The following NXN variants were observed in gnomAD, a reference collection of about 807,000 sequenced individuals.
NXN encodes nucleoredoxin 1.
A neutral mutation model predicts 48.6 loss-of-function variants in NXN; 16 were observed. The ratio of observed to expected loss-of-function variants is 0.33; its 90% CI spans 0.22 to 0.50. The LOEUF (loss-of-function observed/expected upper bound fraction) is 0.50, where lower values mean the gene tolerates loss of function less well. NXN is among the 20% of genes least tolerant of loss of function. The pLI, the probability that NXN is intolerant of heterozygous loss-of-function variation, is 0.98. For missense variants in NXN, 492 were observed against 605.5 expected (o/e 0.81, Z 1.97); for synonymous variants, 281 against 269.6 (o/e 1.04, Z -0.41).
At chr17:826,313 C>G (rs1361750489) in intron 1 of NXN, among the ~76,000 whole-genome samples, 2 of 152,144 alleles carry the variant, frequency 1.3e-5, no homozygotes, top group African/African-American at 4.8e-5. Flanking sequence ...GATGGTCCCA[C>G]TGCCCCCCGG....
intron 1 of NXN, among the ~76,000 whole-genome samples, chr17:871,358 A>G (rs887311662): frequency 2.7e-5 from 4 of 150,676 alleles, no homozygotes; most frequent in Middle Eastern, 3.5e-3. Context: ...AAGTTAGTAA[A>G]TGGTCTGTTT....
intron 1 of NXN, among the ~76,000 whole-genome samples, chr17:850,977 C>T (rs563496284): frequency 1.3e-5 from 2 of 152,304 alleles, no homozygotes; most frequent in African/African-American, 4.8e-5. Flanking sequence ...CAGACCCGGA[C>T]GATGCCACTA....
Position 903,090 on chromosome 17 carries a change from G to A in NXN, c.360+76229C>T, listed in dbSNP as rs552207571. On this transcript the variant is annotated intron_variant, in intron 1 of 7. Coordinates refer to ENST00000336868, the MANE Select transcript of NXN (RefSeq NM_022463.5). ...CAGCCTCCCCTCCCATCATTTCATC[G>A]ACCACCCTGGTACCCACAATATTGA... is the stretch of plus-strand genomic sequence containing the variant. 6.9e-4 allele frequency among the ~76,000 whole-genome samples: 104 copies of A among 150,876 alleles called. 1 individual carries two copies. The East Asian group carries it at 0.015, about 22-fold the overall frequency.
At chr17:851,690 T>TA (rs1411059867) in intron 1 of NXN, among the ~76,000 whole-genome samples, 1 of 152,200 alleles carries the variant, frequency 6.6e-6, no homozygotes, top group African/African-American at 2.4e-5. Flanking sequence ...CTCCGATGCT[T>TA]ATTTACTTAT....
rs751393814 is a variant in NXN at position 979,273 on chromosome 17, C to A, written c.360+46G>T. The A allele has an allele frequency of 1.2e-4, 107 of 860,638 alleles. 1 individual carries two copies. The Middle Eastern group carries it at 4.1e-3, about 33-fold the overall frequency. The allele number at this position is 860,638 out of a possible 1,614,324, so 53.3% of individuals were successfully genotyped here. A position where few individuals can be genotyped will look rare whatever the true frequency, so the allele number is the denominator to read the frequency against. ...GGGCGTGGGGGGCGGGCAGGGGTAA[C>A]GGGCGTGGGGGGCGGGCAGGGGCCG... On this transcript the variant is annotated intron_variant, in intron 1 of 7. Transcript: ENST00000336868.
At chr17:971,329 CG>C (rs1258304877) in intron 1 of NXN, among the ~76,000 whole-genome samples, 1 of 152,160 alleles carries the variant, frequency 6.6e-6, no homozygotes, top group Non-Finnish European at 1.5e-5. Flanking sequence ...CAGAATCACA[CG>C]GCAATCCAGT....
In NXN at chr17:915,466, G is replaced by A. The variant is rs150294118; in HGVS notation, c.360+63853C>T. On this transcript the variant is annotated intron_variant, in intron 1 of 7. Transcript: ENST00000336868. ...ACCCAGCTAATTTTTGTATTTTTTT[G>A]TAAAGACTGGGTTTTGCCATGTTGC... Among the ~76,000 whole-genome samples the A allele has an allele frequency of 1.7e-3, 261 of 151,202 alleles. 3 individuals are homozygous for A. The Middle Eastern group carries it at 0.021, about 12-fold the overall frequency.
chr17:805,340 A>T, intron 5 of NXN, 93 bp from the exon 6 acceptor site: 1 of 1,358,766 alleles, frequency 7.4e-7, no homozygotes, highest in Non-Finnish European at 9.9e-7. Context: ...GGTCCCCCCG[A>T]CCGTGGTGGA....
intron 5 of NXN, among the ~76,000 whole-genome samples, chr17:808,321 T>A (rs1346243900): frequency 6.6e-6 from 1 of 151,490 alleles, no homozygotes; most frequent in African/African-American, 2.4e-5. Context: ...TTTTTTTTTT[T>A]AGACGCAGTC....
At chr17:979,273 C>CGGGCGTGGGGGGCGGGCAGGGGTAAT (rs1160341460) in intron 1 of NXN, 46 bp downstream of exon 1, 1 of 860,646 alleles carries the variant, frequency 1.2e-6, no homozygotes, top group Non-Finnish European at 1.4e-6. Flanking sequence ...GCAGGGGTAA[C>CGGGCGTGGGGGGCGGGCAGGGGTAAT]GGGCGTGGGG....
intron 1 of NXN, among the ~76,000 whole-genome samples, chr17:854,483 C>G (rs2067963348): frequency 1.4e-5 from 2 of 147,664 alleles, no homozygotes; most frequent in Non-Finnish European, 3.0e-5. Flanking sequence ...CCTGTCTCTA[C>G]TAAAAAAAAA....
chr17:804,952 C>T, intron 6 of NXN, 116 bp downstream of exon 6: 1 of 1,126,856 alleles, frequency 8.9e-7, no homozygotes, highest in Non-Finnish European at 1.3e-6. Flanking sequence ...GACAAAGGCC[C>T]AGGCTTGCAC....
chr17:851,941 G>A (rs1402842275), intron 1 of NXN, among the ~76,000 whole-genome samples: 10 of 152,218 alleles, frequency 6.6e-5, no homozygotes, highest in Non-Finnish European at 1.0e-4. Context: ...GCGCCACAGC[G>A]AGACTTTCTC....
intron 1 of NXN, among the ~76,000 whole-genome samples, chr17:935,965 G>GCA (rs2068903254): frequency 6.6e-6 from 1 of 151,972 alleles, no homozygotes; most frequent in Middle Eastern, 3.2e-3. Flanking sequence ...GGTGGTGCAT[G>GCA]CTTGTAATCC....
chr17:871,399 C>CTTTTTTT (rs11345310), intron 1 of NXN, among the ~76,000 whole-genome samples: 9 of 101,712 alleles, frequency 8.8e-5, no homozygotes, highest in East Asian at 7.5e-4. Context: ...TACGCATTCA[C>CTTTTTTT]TTTTTTTTTT....
chr17:912,174 GT>G (rs1174395742), intron 1 of NXN, among the ~76,000 whole-genome samples: 1 of 152,006 alleles, frequency 6.6e-6, no homozygotes, highest in Non-Finnish European at 1.5e-5. Context: ...CTAACATCAA[GT>G]GATCCACCCT....
rs1157937690 is a variant in NXN at position 920,546 on chromosome 17, T to C, written c.360+58773A>G. On this transcript the variant is annotated intron_variant, in intron 1 of 7. Transcript: ENST00000336868. The surrounding 1 kb of genome is among the most constrained non-coding windows in gnomAD (Gnocchi z 4.6). ...AGCTCTGCAGCGTTCTCCCAGGCTC[T>C]CAACCCTCGACGCTCATCCAGGTTC... 6.6e-6 allele frequency among the ~76,000 whole-genome samples: 1 copy of C among 152,060 alleles called. No individual in the cohort carries two copies. Among genetic ancestry groups the C allele is most frequent in the Non-Finnish European group, 1.5e-5 (1 of 68,016 alleles).
Position 926,248 on chromosome 17 carries a change from C to T in NXN, c.360+53071G>A, listed in dbSNP as rs141277616. Among the ~76,000 whole-genome samples, 95 of 152,268 alleles carry T rather than the reference C, an allele frequency of 6.2e-4. 1 individual carries two copies. The East Asian group carries it at 0.018, about 28-fold the overall frequency. On this transcript the variant is annotated intron_variant, in intron 1 of 7. Transcript: ENST00000336868. Reference sequence around the variant, plus strand: ...TCACCCAGGCCGTAGTGCAGTGGCACCGTCAATGGCTCACTGCAGCCTCAA... The same window carrying T: ...TCACCCAGGCCGTAGTGCAGTGGCATCGTCAATGGCTCACTGCAGCCTCAA...
At chr17:843,060 GA>G (rs774704139) in intron 1 of NXN, among the ~76,000 whole-genome samples, 1 of 109,248 alleles carries the variant, frequency 9.2e-6, no homozygotes, top group African/African-American at 4.2e-5. Flanking sequence ...AAGAAAGAAG[GA>G]AGAAAGCAAG....
Sources: allele counts gnomAD v4.1 joint callset (sites outside exome capture counted in the v4.1 genomes callset), GRCh38; gene constraint gnomAD v4.1.1; non-coding constraint Gnocchi (gnomAD v3.1); transcripts MANE v1.5; gene names NCBI Gene and HGNC (gene_info 2026-07-23, HGNC 2026-07-21).